Variants in ERC1 observed in about 807,000 individuals in gnomAD.
The protein encoded by ERC1 is ELKS/RAB6-interacting/CAST family member 1.
ERC1 carries 56 observed loss-of-function variants against 132.0 expected under a neutral mutation model. That is an observed-to-expected ratio of 0.42 (90% CI 0.34 to 0.53). ERC1 has a LOEUF of 0.53. Among genes scored for constraint, ERC1 ranks in the 20% least tolerant of loss-of-function variants. The pLI, the probability that ERC1 is intolerant of heterozygous loss-of-function variation, is 0.03. For missense variants in ERC1, 1,202 were observed against 1,349.9 expected (o/e 0.89, Z 1.72); for synonymous variants, 478 against 476.1 (o/e 1.00, Z -0.05).
intron 16 of ERC1, among the ~76,000 whole-genome samples, chr12:1,404,155 G>T (rs2091290723): frequency 6.6e-6 from 1 of 152,174 alleles, no homozygotes; most frequent in South Asian, 2.1e-4. Flanking sequence ...CAAGATCAAG[G>T]CAGCAGCAGA....
intron 18 of ERC1, among the ~76,000 whole-genome samples, chr12:1,466,122 C>T (rs1473375485): frequency 3.9e-5 from 6 of 152,156 alleles, no homozygotes; most frequent in Admixed American, 3.9e-4. Flanking sequence ...CCACAGACCG[C>T]GTGGCTTAAG....
chr12:1,459,120 G>A (rs1227615162), intron 18 of ERC1, among the ~76,000 whole-genome samples: 1 of 152,212 alleles, frequency 6.6e-6, no homozygotes, highest in Non-Finnish European at 1.5e-5. Context: ...CTAATATAGA[G>A]AGAGTATTGC....
At chr12:1,198,239 A>C (rs2154281734) in intron 12 of ERC1, among the ~76,000 whole-genome samples, 1 of 151,960 alleles carries the variant, frequency 6.6e-6, no homozygotes, top group East Asian at 1.9e-4. Context: ...TGAAATTTGG[A>C]CTCTTAAGTC....
At chr12:1,289,481 C>G (rs948269255) in intron 14 of ERC1, among the ~76,000 whole-genome samples, 3 of 152,052 alleles carry the variant, frequency 2.0e-5, no homozygotes, top group South Asian at 4.1e-4. Context: ...TTCCTAAAAT[C>G]GTTCTGTATA....
Position 1,003,422 on chromosome 12 carries a change from T to C in ERC1, c.-157+12100T>C, listed in dbSNP as rs139881776. 2.2e-4 allele frequency among the ~76,000 whole-genome samples: 33 copies of C among 152,380 alleles called. No individual in the cohort carries two copies. In the East Asian group the frequency reaches 6.0e-3, roughly 28 times the overall value. Reference sequence around the variant, plus strand: ...TGAAATAAAACTGAATTTTGAGTGCTGACTCTGTATTTTGCTAATCAAGCC... The same window carrying C: ...TGAAATAAAACTGAATTTTGAGTGCCGACTCTGTATTTTGCTAATCAAGCC... On this transcript the variant is annotated intron_variant, in intron 1 of 18. Transcript: ENST00000360905.
At chr12:1,168,212 C>G (rs1952639782) in intron 8 of ERC1, among the ~76,000 whole-genome samples, 1 of 152,110 alleles carries the variant, frequency 6.6e-6, no homozygotes, top group Non-Finnish European at 1.5e-5. Context: ...CCTCAACTTC[C>G]TGGGCTCAGG....
At chr12:1,148,467 A>G (rs1245079070) in intron 8 of ERC1, among the ~76,000 whole-genome samples, 1 of 152,200 alleles carries the variant, frequency 6.6e-6, no homozygotes, top group Non-Finnish European at 1.5e-5. Context: ...GAGGATCAGT[A>G]ATTGTGCTGT....
intron 13 of ERC1, among the ~76,000 whole-genome samples, chr12:1,259,494 T>A (rs901243781): frequency 6.6e-6 from 1 of 151,288 alleles, no homozygotes; most frequent in African/African-American, 2.4e-5. Flanking sequence ...TTGTTTTTCC[T>A]GTCTTGGGTA....
At chr12:1,127,305 C>T (rs886197009) in intron 7 of ERC1, among the ~76,000 whole-genome samples, 5 of 152,108 alleles carry the variant, frequency 3.3e-5, no homozygotes, top group Non-Finnish European at 5.9e-5. Flanking sequence ...AAAAACTTTC[C>T]TGCTGGTCCA....
chr12:1,486,717 ACCCGGCTGTGAAATCACT>A (rs1177983171), intron 18 of ERC1, among the ~76,000 whole-genome samples: 3 of 151,962 alleles, frequency 2.0e-5, no homozygotes, highest in Non-Finnish European at 2.9e-5. Context: ...GAGCCACCGC[ACCCGGCTGTGAAATCACT>A]CCCGGCTGTG....
intron 8 of ERC1, among the ~76,000 whole-genome samples, chr12:1,179,589 G>GCTCCGC (rs1954156964): frequency 1.4e-5 from 2 of 146,576 alleles, no homozygotes; most frequent in African/African-American, 5.1e-5. Context: ...CTCACTGCAG[G>GCTCCGC]CTCCGCCTCC....
At chr12:1,102,923 G>A (rs1944836326) in intron 3 of ERC1, among the ~76,000 whole-genome samples, 1 of 152,162 alleles carries the variant, frequency 6.6e-6, no homozygotes, top group Admixed American at 6.5e-5. Flanking sequence ...AAAGCAGTAA[G>A]AACTGCATGA....
intron 4 of ERC1, 43 bp downstream of exon 4, chr12:1,104,867 C>A: frequency 2.2e-6 from 3 of 1,355,458 alleles, no homozygotes; most frequent in Non-Finnish European, 3.2e-6. Flanking sequence ...TTACCTTATA[C>A]TTTTAAGTGA....
chr12:1,418,646 TCTCTCTCTCTCTC>T (rs1253462323), intron 17 of ERC1, among the ~76,000 whole-genome samples: 1 of 137,552 alleles, frequency 7.3e-6, no homozygotes, highest in African/African-American at 2.8e-5. Context: ...TTTCTTTCTC[TCTCTCTCTCTCTC>T]TCTTTCTTTT....
At chr12:1,451,726 A>G (rs1389312865) in intron 18 of ERC1, among the ~76,000 whole-genome samples, 1 of 152,232 alleles carries the variant, frequency 6.6e-6, no homozygotes. Flanking sequence ...TTTTATTTGT[A>G]TGAGGGAGTG....
intron 10 of ERC1, among the ~76,000 whole-genome samples, chr12:1,182,554 C>T (rs1642265369): frequency 6.6e-6 from 1 of 152,140 alleles, no homozygotes; most frequent in African/African-American, 2.4e-5. Context: ...GATGATAATG[C>T]ATGAGCTTTA....
intron 15 of ERC1, among the ~76,000 whole-genome samples, chr12:1,320,392 T>C (rs1310080713): frequency 6.6e-5 from 10 of 152,218 alleles, no homozygotes; most frequent in Non-Finnish European, 1.5e-5. Flanking sequence ...CTTTTACATT[T>C]TTGCTGACTT....
At position 1,074,591 on chromosome 12, in the gene ERC1, C is replaced by T. The variant is rs573463836; in HGVS notation, c.670-8573C>T. On this transcript the variant is annotated intron_variant, in intron 2 of 18. Transcript: ENST00000360905. ...GATTACAGGCATGAGCCACTGCACC[C>T]GACCACATTTTCATTTATTCTTTAA... Among the ~76,000 whole-genome samples the T allele has an allele frequency of 8.5e-5, 13 of 152,214 alleles. No homozygotes were observed. In the South Asian group the frequency reaches 1.7e-3, roughly 19 times the overall value.
At chr12:1,161,208 G>T (rs532520023) in intron 8 of ERC1, among the ~76,000 whole-genome samples, 1 of 152,220 alleles carries the variant, frequency 6.6e-6, no homozygotes, top group South Asian at 2.1e-4. Context: ...GTTATGATAC[G>T]AATGGTATAC....
Sources: gnomAD v4.1 joint callset for allele counts (sites outside exome capture counted in the v4.1 genomes callset) on GRCh38, gnomAD v4.1.1 for gene constraint, MANE v1.5 for transcripts, NCBI Gene and HGNC (gene_info 2026-07-23, HGNC 2026-07-21) for gene names.